Variants in RAI2 observed in about 807,000 individuals in gnomAD.
RAI2 encodes retinoic acid induced 2.
Under a neutral mutation model 15.3 loss-of-function variants are expected in RAI2, and 5 were observed. The observed-to-expected ratio is 0.33, with a 90% CI of 0.17 to 0.69. The LOEUF (loss-of-function observed/expected upper bound fraction) is 0.69, where lower values mean the gene tolerates loss of function less well. Among genes scored for constraint, RAI2 ranks in the 30% least tolerant of loss-of-function variants. RAI2 has a pLI of 0.69. For missense variants in RAI2, 424 were observed against 424.7 expected, an observed-to-expected ratio of 1.00 and a Z score of 0.01; for synonymous variants, 191 against 184.0, an observed-to-expected ratio of 1.04 and a Z score of -0.31.
chrX:17,855,666 T>A (rs964653782), intron 1 of RAI2, among the ~76,000 whole-genome samples: 10 of 112,010 alleles, frequency 8.9e-5, no homozygotes, highest in African/African-American at 3.3e-4. Flanking sequence ...CCAGAACATC[T>A]GGAGGCTGAA....
At chrX:17,807,771 A>G (rs1050204941) in intron 1 of RAI2, among the ~76,000 whole-genome samples, 1 of 112,248 alleles carries the variant, frequency 8.9e-6, no homozygotes, top group African/African-American at 3.2e-5. Flanking sequence ...GGACTTGGAG[A>G]ATAGCCTAAA....
intron 1 of RAI2, among the ~76,000 whole-genome samples, chrX:17,858,942 T>C (rs915195699): frequency 8.1e-5 from 9 of 111,513 alleles, no homozygotes; most frequent in Non-Finnish European, 1.5e-4. Flanking sequence ...ACTTGGTTCA[T>C]AGTGCCTGGG....
At chrX:17,805,578 GCTGTGA>G (rs1484473066) in intron 1 of RAI2, among the ~76,000 whole-genome samples, 1 of 112,579 alleles carries the variant, frequency 8.9e-6, no homozygotes, top group Non-Finnish European at 1.9e-5. Flanking sequence ...TGCATCCCCT[GCTGTGA>G]CTCAAGTCTC....
chrX:17,857,195 G>C (rs1297405612), intron 1 of RAI2, among the ~76,000 whole-genome samples: 1 of 111,802 alleles, frequency 8.9e-6, no homozygotes, highest in Non-Finnish European at 1.9e-5. Flanking sequence ...GCAGGCTTTT[G>C]TGTGTGGGAA....
intron 1 of RAI2, among the ~76,000 whole-genome samples, chrX:17,810,216 C>T (rs184544589): frequency 1.8e-5 from 2 of 112,104 alleles, no homozygotes; most frequent in East Asian, 5.6e-4. Flanking sequence ...CTCTGTTTCA[C>T]ATTTCAAAGG....
At position 17,826,665 on chromosome X, in the gene RAI2, A is replaced by G. The variant is rs1313535981; in HGVS notation, c.-24-24631T>C. ...ATGGTTTGGCTCTGTGTCCCCACCCAAATCTCATTTAGAATTGTAATCCCC... is the reference window on the plus strand; with the variant it reads ...ATGGTTTGGCTCTGTGTCCCCACCCGAATCTCATTTAGAATTGTAATCCCC... On this transcript the variant is annotated intron_variant, in intron 1 of 1. Coordinates refer to ENST00000451717, the MANE Select transcript of RAI2 (RefSeq NM_021785.6). Among the ~76,000 whole-genome samples, 3 of 111,784 alleles carry G rather than the reference A, an allele frequency of 2.7e-5. No individual in the cohort carries two copies. In the Admixed American group the frequency reaches 2.8e-4, roughly 11 times the overall value.
chrX:17,823,961 G>C (rs1045901545), intron 1 of RAI2, among the ~76,000 whole-genome samples: 1 of 111,820 alleles, frequency 8.9e-6, no homozygotes, highest in Non-Finnish European at 1.9e-5. Flanking sequence ...AAGAGACAAA[G>C]AGAAAACCCA....
intron 1 of RAI2, among the ~76,000 whole-genome samples, chrX:17,841,315 C>T (rs1401020241): frequency 8.9e-6 from 1 of 111,927 alleles, no homozygotes; most frequent in Non-Finnish European, 1.9e-5. Flanking sequence ...CTAACTCAAA[C>T]TAAAAGCTGC....
At chrX:17,857,230 C>G (rs986987997) in intron 1 of RAI2, among the ~76,000 whole-genome samples, 2 of 111,551 alleles carry the variant, frequency 1.8e-5, no homozygotes, top group African/African-American at 6.5e-5. Context: ...ATCTTTCCCC[C>G]TCATTCTCTG....
chrX:17,854,329 C>T (rs766489797), intron 1 of RAI2, among the ~76,000 whole-genome samples: 3 of 111,904 alleles, frequency 2.7e-5, no homozygotes, highest in South Asian at 7.5e-4. Context: ...GTTGTGCATA[C>T]GGGGGTGGGG....
At chrX:17,803,200 G>A (rs2066937834) in intron 1 of RAI2, among the ~76,000 whole-genome samples, 1 of 111,266 alleles carries the variant, frequency 9.0e-6, no homozygotes, top group Non-Finnish European at 1.9e-5. Context: ...TCCAAAGAAA[G>A]AGAGGCGGCC....
chrX:17,830,751 T>C (rs1421883182), intron 1 of RAI2, among the ~76,000 whole-genome samples: 1 of 110,881 alleles, frequency 9.0e-6, no homozygotes, highest in Non-Finnish European at 1.9e-5. Context: ...TGGGGGGGTG[T>C]TATACCTCCA....
At chrX:17,818,276 G>T (rs1203825169) in intron 1 of RAI2, among the ~76,000 whole-genome samples, 1 of 112,357 alleles carries the variant, frequency 8.9e-6, no homozygotes, top group Admixed American at 9.4e-5. Context: ...ACATGACTCA[G>T]GGCTATGGTG....
At chrX:17,804,266 C>T (rs1038493705) in intron 1 of RAI2, among the ~76,000 whole-genome samples, 1 of 112,249 alleles carries the variant, frequency 8.9e-6, no homozygotes, top group South Asian at 3.7e-4. Context: ...GCCTCTAATA[C>T]ACCATTCATT....
At chrX:17,820,375 T>G (rs1287481074) in intron 1 of RAI2, among the ~76,000 whole-genome samples, 2 of 112,147 alleles carry the variant, frequency 1.8e-5, no homozygotes, top group Non-Finnish European at 3.8e-5. Flanking sequence ...TGTGCTCAAC[T>G]GAGGGGGCCC....
intron 1 of RAI2, among the ~76,000 whole-genome samples, chrX:17,855,681 C>T (rs1444009424): frequency 9.0e-6 from 1 of 111,567 alleles, no homozygotes; most frequent in Non-Finnish European, 1.9e-5. Context: ...GCTGAAGTCA[C>T]GAGGTTGGTT....
rs991519886 is a variant in RAI2, at chrX:17,815,338, C to T, written c.-24-13304G>A. Among the ~76,000 whole-genome samples, 66 of 109,303 alleles carry T rather than the reference C, an allele frequency of 6.0e-4. 1 individual carries two copies. The highest frequency in any genetic ancestry group is 2.1e-3 in the African/African-American group (63 of 30,061). 94.9% of individuals were successfully genotyped at this position (109,303 alleles called of 115,157 possible). A position where few individuals can be genotyped will look rare whatever the true frequency, so the allele number is the denominator to read the frequency against. ...GTGCACACGTGCACACACACACACACACACACACACACACACACACACACA... is the reference window on the plus strand; with the variant it reads ...GTGCACACGTGCACACACACACACATACACACACACACACACACACACACA... On this transcript the variant is annotated intron_variant, in intron 1 of 1. Transcript: ENST00000451717.
At position 17,809,256 on chromosome X, in the gene RAI2, G is replaced by A. The variant is rs747219335; in HGVS notation, c.-24-7222C>T. On this transcript the variant is annotated intron_variant, in intron 1 of 1. Transcript: ENST00000451717. ...TTCCCTGACACGCTAATTCATTTAT[G>A]AAAACAGTAGTGACCACAAACATTG... Among the ~76,000 whole-genome samples, 3 of 112,347 alleles carry A rather than the reference G, an allele frequency of 2.7e-5. No individual in the cohort carries two copies. The South Asian group carries it at 1.1e-3, about 42-fold the overall frequency.
intron 1 of RAI2, among the ~76,000 whole-genome samples, chrX:17,834,501 C>T (rs773755078): frequency 9.1e-6 from 1 of 109,810 alleles, no homozygotes; most frequent in East Asian, 2.9e-4. Flanking sequence ...GCGAGATACA[C>T]ACAGCGTGCC....
Sources: allele counts gnomAD v4.1 joint callset (sites outside exome capture counted in the v4.1 genomes callset), GRCh38; gene constraint gnomAD v4.1.1; transcripts MANE v1.5; gene names NCBI Gene and HGNC (gene_info 2026-07-23, HGNC 2026-07-21).